Variants in STXBP6 observed in about 807,000 individuals in gnomAD.
STXBP6 encodes the protein syntaxin binding protein 6, also known as syntaxin-binding protein 6.
In STXBP6, 21 loss-of-function variants were observed where a neutral mutation model predicts 26.9. The observed-to-expected ratio is 0.78, with a 90% CI of 0.55 to 1.12. The LOEUF (loss-of-function observed/expected upper bound fraction) is 1.12. STXBP6 is among the 50% of genes most tolerant of loss of function. The pLI, the probability that STXBP6 is intolerant of heterozygous loss-of-function variation, is 0.00. For missense variants in STXBP6, 232 were observed against 257.9 expected (o/e 0.90, Z 0.69); for synonymous variants, 97 against 92.6 (o/e 1.05, Z -0.27).
intron 2 of STXBP6, among the ~76,000 whole-genome samples, chr14:24,918,058 T>A (rs564462010): frequency 1.3e-5 from 2 of 151,984 alleles, no homozygotes; most frequent in Admixed American, 6.6e-5. Flanking sequence ...ATGTCCAGGA[T>A]AGGTAAATCC....
chr14:24,830,896 A>C (rs966123243), intron 4 of STXBP6, among the ~76,000 whole-genome samples: 1 of 152,186 alleles, frequency 6.6e-6, no homozygotes, highest in Non-Finnish European at 1.5e-5. Context: ...GGCACAATGG[A>C]AGTTAAGTCA....
At chr14:24,851,904 C>T (rs748312891) in intron 4 of STXBP6, among the ~76,000 whole-genome samples, 18 of 152,144 alleles carry the variant, frequency 1.2e-4, no homozygotes, top group African/African-American at 4.1e-4. Context: ...GGTCCAGATA[C>T]AGCTGTGAAA....
At chr14:24,973,995 C>T (rs1474680566) in intron 2 of STXBP6, among the ~76,000 whole-genome samples, 2 of 151,932 alleles carry the variant, frequency 1.3e-5, no homozygotes, top group Non-Finnish European at 2.9e-5. Flanking sequence ...TTTAGATTAG[C>T]ATCACCAATA....
At chr14:24,999,620 G>C (rs1001723797) in intron 1 of STXBP6, among the ~76,000 whole-genome samples, 7 of 152,156 alleles carry the variant, frequency 4.6e-5, no homozygotes, top group Non-Finnish European at 8.8e-5. Flanking sequence ...TCTGATGTGT[G>C]GGTAGAATGG....
intron 4 of STXBP6, among the ~76,000 whole-genome samples, chr14:24,837,819 G>C (rs1304899976): frequency 1.3e-5 from 2 of 152,206 alleles, no homozygotes; most frequent in African/African-American, 4.8e-5. Context: ...CCCATCCTAA[G>C]AGATGTCTGC....
chr14:25,026,536 G>A (rs1173491275), intron 1 of STXBP6, among the ~76,000 whole-genome samples: 9 of 152,124 alleles, frequency 5.9e-5, no homozygotes, highest in Admixed American at 6.5e-5. Context: ...TTAGATACAT[G>A]AAGAACATAA....
At chr14:24,952,546 T>C (rs989272916) in intron 2 of STXBP6, among the ~76,000 whole-genome samples, 6 of 152,208 alleles carry the variant, frequency 3.9e-5, no homozygotes, top group African/African-American at 1.2e-4. Context: ...GGCAGAATTA[T>C]AGCCATTCAT....
rs146052352 is a variant in STXBP6 at position 25,041,395 on chromosome 14, C to T, written c.-33+8483G>A. On this transcript the variant is annotated intron_variant, in intron 1 of 5. Coordinates refer to ENST00000323944, the MANE Select transcript of STXBP6 (RefSeq NM_001394410.1). ...AGTGGATAAGGATTTAATCTTAAAA[C>T]AACTTGCTTCAGGAACACCCAGCTT... 7.4e-4 allele frequency among the ~76,000 whole-genome samples: 112 copies of T among 152,244 alleles called. 1 individual carries two copies. The East Asian group carries it at 0.018, about 24-fold the overall frequency.
At chr14:25,026,593 G>C (rs2075354318) in intron 1 of STXBP6, among the ~76,000 whole-genome samples, 1 of 152,210 alleles carries the variant, frequency 6.6e-6, no homozygotes, top group South Asian at 2.1e-4. Flanking sequence ...AAGTGAGTTA[G>C]AAAAGCTTTC....
chr14:24,942,337 T>A (rs544278668), intron 2 of STXBP6, among the ~76,000 whole-genome samples: 1 of 152,298 alleles, frequency 6.6e-6, no homozygotes, highest in East Asian at 1.9e-4. Context: ...GCAGACTGGA[T>A]AACCAAACAT....
chr14:25,049,963 G>C lies in STXBP6; in HGVS notation c.-118C>G. 1.2e-6 allele frequency: 1 copy of C among 813,742 alleles called. No homozygotes were observed. The highest frequency in any genetic ancestry group is 1.5e-6 in the Non-Finnish European group (1 of 679,086). The allele number at this position is 813,742 out of a possible 1,614,324, so 50.4% of individuals were successfully genotyped here. A position where few individuals can be genotyped will look rare whatever the true frequency, so the allele number is the denominator to read the frequency against. ...GCTCCTCCCCGGGGGGCTGCCCCGC[G>C]CGGGGCTCCGGGCTCCGGACAAGGC... On this transcript the variant is annotated 5_prime_UTR_variant, in exon 1 of 6. Coordinates refer to ENST00000323944, the MANE Select transcript of STXBP6 (RefSeq NM_001394410.1). This position sits in a 1 kb window ranked among gnomAD's most constrained non-coding sequence, Gnocchi z 5.6.
intron 4 of STXBP6, among the ~76,000 whole-genome samples, chr14:24,835,404 A>T (rs1395252985): frequency 6.6e-6 from 1 of 152,208 alleles, no homozygotes; most frequent in Non-Finnish European, 1.5e-5. Flanking sequence ...TGAGGAGAGT[A>T]CCCAGATTTA....
At position 24,812,728 on chromosome 14, in the gene STXBP6, G is replaced by T; in HGVS notation, c.614C>A (p.Ala205Asp). The part of the protein sequence containing the change: ...QQFAETAHKL[A>D]MKHKC Reference sequence around the variant, plus strand: ...AGTTTCTCAACATTTGTGCTTCATGGCAAGCTAAGGAGAGAGAGGAATGAG... The same window carrying T: ...AGTTTCTCAACATTTGTGCTTCATGTCAAGCTAAGGAGAGAGAGGAATGAG... Residue 205 changes from alanine to aspartate, a missense_variant, in exon 6 of 6, where the codon GCC (alanine) becomes GAC (aspartate). Transcript: ENST00000323944. 3 of 1,613,698 alleles carry T rather than the reference G, an allele frequency of 1.9e-6. No individual in the cohort carries two copies. The highest frequency in any genetic ancestry group is 2.5e-6 in the Non-Finnish European group (3 of 1,179,694).
intron 2 of STXBP6, among the ~76,000 whole-genome samples, chr14:24,952,853 AG>A (rs1566505530): frequency 1.3e-5 from 2 of 152,210 alleles, no homozygotes; most frequent in African/African-American, 4.8e-5. Flanking sequence ...AACTCAGAGG[AG>A]GAAACCATAC....
intron 2 of STXBP6, among the ~76,000 whole-genome samples, chr14:24,930,590 A>G (rs1464279352): frequency 6.6e-6 from 1 of 152,174 alleles, no homozygotes; most frequent in Non-Finnish European, 1.5e-5. Context: ...GCAAAGGCCT[A>G]TGGAGGTGTT....
chr14:24,850,719 G>A (rs1022659509), intron 4 of STXBP6, among the ~76,000 whole-genome samples: 1 of 152,064 alleles, frequency 6.6e-6, no homozygotes, highest in African/African-American at 2.4e-5. Context: ...TGCCTACTGT[G>A]TGACTGGATC....
chr14:24,850,225 G>A (rs989124865), intron 4 of STXBP6, among the ~76,000 whole-genome samples: 2 of 152,030 alleles, frequency 1.3e-5, no homozygotes, highest in Non-Finnish European at 2.9e-5. Context: ...ATTGAATCCT[G>A]AGATTCTATC....
intron 2 of STXBP6, among the ~76,000 whole-genome samples, chr14:24,892,099 T>C (rs1438177891): frequency 1.3e-5 from 2 of 152,206 alleles, no homozygotes; most frequent in Non-Finnish European, 2.9e-5. Flanking sequence ...CCCCAACACA[T>C]GTACACATTA....
chr14:24,864,527 G>A (rs901611482), intron 2 of STXBP6, among the ~76,000 whole-genome samples: 1 of 152,116 alleles, frequency 6.6e-6, no homozygotes, highest in African/African-American at 2.4e-5. Flanking sequence ...CTGCTGCTGA[G>A]CTTCCTCTTT....
Sources: gnomAD v4.1 joint callset for allele counts (sites outside exome capture counted in the v4.1 genomes callset) on GRCh38, gnomAD v4.1.1 for gene constraint, Gnocchi (gnomAD v3.1) non-coding constraint, MANE v1.5 for transcripts, NCBI Gene and HGNC (gene_info 2026-07-23, HGNC 2026-07-21) for gene names.